Variants in MKNK1 observed in about 807,000 individuals in gnomAD.
MKNK1 encodes the protein MAP kinase-interacting serine/threonine-protein kinase 1.
A neutral mutation model predicts 49.3 loss-of-function variants in MKNK1; 30 were observed. The ratio of observed to expected loss-of-function variants is 0.61; its 90% CI spans 0.46 to 0.83. The LOEUF (loss-of-function observed/expected upper bound fraction) is 0.83, where lower values mean the gene tolerates loss of function less well. Ranked by LOEUF, MKNK1 falls within the 40% of genes least tolerant of loss-of-function variation. MKNK1 has a pLI of 0.00. For synonymous variants in MKNK1, 176 were observed against 201.7 expected (o/e 0.87, Z 1.08); for missense variants, 423 against 524.7 (o/e 0.81, Z 1.89).
chr1:46,570,803 T>C (rs1375490437), intron 7 of MKNK1, among the ~76,000 whole-genome samples: 1 of 152,248 alleles, frequency 6.6e-6, no homozygotes, highest in African/African-American at 2.4e-5. Context: ...TGAAGAACTA[T>C]GACATACCAG....
rs1667250101 is a variant in MKNK1, at chr1:46,557,760, T to C, written c.*815A>G. ...ATCAGAATAATAGGGAACTGCTGATTAAAACCCAAGTGCATGGACATTCTA... is the reference window on the plus strand; with the variant it reads ...ATCAGAATAATAGGGAACTGCTGATCAAAACCCAAGTGCATGGACATTCTA... On this transcript the variant is annotated 3_prime_UTR_variant, in exon 13 of 13. Transcript: ENST00000371945. The C allele has an allele frequency of 6.6e-6, 1 of 152,280 alleles. No homozygotes were observed. The highest frequency in any genetic ancestry group is 2.4e-5 in the African/African-American group (1 of 41,468). The allele number at this position is 152,280 out of a possible 1,614,324, so 9.4% of individuals were successfully genotyped here.
intron 1 of MKNK1, among the ~76,000 whole-genome samples, chr1:46,600,854 G>GA (rs1674642743): frequency 6.6e-6 from 1 of 151,820 alleles, no homozygotes; most frequent in African/African-American, 2.4e-5. Context: ...GTAGTAGACT[G>GA]AAAAAACAGA....
intron 9 of MKNK1, 114 bp from the exon 10 acceptor site, chr1:46,562,957 G>A (rs777900304): frequency 2.4e-5 from 22 of 917,262 alleles, no homozygotes; most frequent in Non-Finnish European, 3.2e-5. Flanking sequence ...GAGGCTGGAA[G>A]GATGAGATAC....
At chr1:46,570,700 C>A (rs1557844889) in intron 7 of MKNK1, among the ~76,000 whole-genome samples, 1 of 152,210 alleles carries the variant, frequency 6.6e-6, no homozygotes, top group Admixed American at 6.5e-5. Context: ...CACTCCCACC[C>A]CCAACAGGCA....
intron 9 of MKNK1, among the ~76,000 whole-genome samples, chr1:46,563,216 CCA>C (rs1399079561): frequency 6.6e-6 from 1 of 152,200 alleles, no homozygotes; most frequent in Non-Finnish European, 1.5e-5. Context: ...AGATCCAGTT[CCA>C]CACAGCAAGA....
At chr1:46,566,132 A>G (rs1470824070) in intron 8 of MKNK1, among the ~76,000 whole-genome samples, 2 of 152,054 alleles carry the variant, frequency 1.3e-5, no homozygotes, top group African/African-American at 4.8e-5. Context: ...TTAAGCAATA[A>G]CTCCCATTCT....
chr1:46,599,222 A>G (rs1335534866), intron 1 of MKNK1, among the ~76,000 whole-genome samples: 2 of 152,200 alleles, frequency 1.3e-5, no homozygotes. Flanking sequence ...GATGATAATG[A>G]GCAGGTGCAG....
At chr1:46,586,051 C>T (rs1240367335) in intron 2 of MKNK1, 42 of 614,380 alleles carry the variant, frequency 6.8e-5, no homozygotes, top group East Asian at 1.8e-4. Context: ...CAGGGGGAAG[C>T]GAGAGGTGTC....
At chr1:46,585,923 C>G (rs780521771) in intron 2 of MKNK1, 2 of 1,365,882 alleles carry the variant, frequency 1.5e-6, no homozygotes, top group South Asian at 2.3e-5. Context: ...CCAGAAGGGA[C>G]AAATGGTTAA....
intron 2 of MKNK1, chr1:46,585,862 A>C (rs1367939209): frequency 1.5e-6 from 2 of 1,295,238 alleles, no homozygotes; most frequent in African/African-American, 3.0e-5. Context: ...CACACACACA[A>C]AGACAGAGTA....
In MKNK1 at chr1:46,589,373, G is replaced by A. The variant is rs1284797404; in HGVS notation, c.-3+4740C>T. ...CAAGGAAGGGCACAGGCTGAGGCCT[G>A]GAGGAGGGACACAGGGCCGGTGGGG... On this transcript the variant is annotated intron_variant, in intron 2 of 12. Transcript: ENST00000371945. The surrounding 1 kb of genome is among the most constrained non-coding windows in gnomAD (Gnocchi z 4.3). Among the ~76,000 whole-genome samples, 1 of 152,190 alleles carries A rather than the reference G, an allele frequency of 6.6e-6. No individual in the cohort carries two copies. The highest frequency in any genetic ancestry group is 1.5e-5 in the Non-Finnish European group (1 of 68,030).
intron 2 of MKNK1, chr1:46,585,419 A>G (rs1570258801): frequency 6.0e-6 from 1 of 165,706 alleles, no homozygotes; most frequent in African/African-American, 2.4e-5. Flanking sequence ...CATCTTCAGG[A>G]GCTCAGGGAG....
chr1:46,577,425 G>A (rs764443751), intron 4 of MKNK1, among the ~76,000 whole-genome samples: 1 of 152,120 alleles, frequency 6.6e-6, no homozygotes, highest in African/African-American at 2.4e-5. Context: ...AGGTTGCAGT[G>A]AGCCGAGATT....
At chr1:46,564,470 T>G (rs1181602658) in intron 9 of MKNK1, among the ~76,000 whole-genome samples, 1 of 28,314 alleles carries the variant, frequency 3.5e-5, no homozygotes, top group African/African-American at 5.5e-5. Flanking sequence ...TTTATTGTTT[T>G]TTTTTTTTTT....
At chr1:46,562,449 A>G (rs960507804) in intron 10 of MKNK1, among the ~76,000 whole-genome samples, 200 bp downstream of exon 10, 1 of 148,976 alleles carries the variant, frequency 6.7e-6, no homozygotes, top group Non-Finnish European at 1.5e-5. Context: ...TCTTCTAACA[A>G]TCCTGCCCTG....
At chr1:46,590,111 G>T (rs1015774618) in intron 2 of MKNK1, among the ~76,000 whole-genome samples, 4 of 152,192 alleles carry the variant, frequency 2.6e-5, no homozygotes, top group Non-Finnish European at 5.9e-5. Flanking sequence ...GCAGAGAAGT[G>T]TAATTACCAA....
Position 46,577,462 on chromosome 1 carries a change from C to A in MKNK1, c.199-808G>T. ...TGCCATTGCACTCCAGCCTAAGTAA[C>A]AGAGAGACTCCATCTCAAAAAATAA... On this transcript the variant is annotated intron_variant, in intron 4 of 12. Coordinates refer to ENST00000371945, the MANE Select transcript of MKNK1 (RefSeq NM_001135553.4). Among the ~76,000 whole-genome samples, 3 of 152,176 alleles carry A rather than the reference C, an allele frequency of 2.0e-5. No individual in the cohort carries two copies. In the South Asian group the frequency reaches 6.2e-4, roughly 32 times the overall value.
At chr1:46,560,208 G>A in intron 12 of MKNK1, 26 bp downstream of exon 12, 3 of 1,613,378 alleles carry the variant, frequency 1.9e-6, no homozygotes, top group Non-Finnish European at 2.5e-6. Context: ...GGAAGAGCAT[G>A]GCGTGGGGGT....
At chr1:46,560,315 C>T in intron 11 of MKNK1, 38 bp from the exon 12 acceptor site, 1 of 1,610,016 alleles carries the variant, frequency 6.2e-7, no homozygotes, top group South Asian at 1.1e-5. Flanking sequence ...TAAAGCACTG[C>T]TCCCTCCTTT....
Sources: allele counts gnomAD v4.1 joint callset (sites outside exome capture counted in the v4.1 genomes callset), GRCh38; gene constraint gnomAD v4.1.1; non-coding constraint Gnocchi (gnomAD v3.1); transcripts MANE v1.5; gene names NCBI Gene and HGNC (gene_info 2026-07-23, HGNC 2026-07-21).